WNK1: variants seen among roughly 807,000 people sequenced by gnomAD.
WNK1 encodes the protein serine/threonine-protein kinase WNK1.
Under a neutral mutation model 222.8 loss-of-function variants are expected in WNK1, and 38 were observed. The ratio of observed to expected loss-of-function variants is 0.17; its 90% CI spans 0.13 to 0.22. The LOEUF (loss-of-function observed/expected upper bound fraction) is 0.22. Among genes scored for constraint, WNK1 ranks in the 10% least tolerant of loss-of-function variants. The probability of loss-of-function intolerance (pLI) is 1.00; values close to 1 mark genes in which losing one functional copy is unlikely to be tolerated. For synonymous variants in WNK1, 1,090 were observed against 1,092.9 expected (o/e 1.00, Z 0.05); for missense variants, 2,348 against 2,918.4 (o/e 0.80, Z 4.50).
intron 4 of WNK1, among the ~76,000 whole-genome samples, chr12:844,678 AT>A (rs369200272): frequency 1.2e-3 from 180 of 152,142 alleles, no homozygotes; most frequent in African/African-American, 3.8e-3. Flanking sequence ...TACTGTCTAG[AT>A]TTTACCAATC....
chr12:880,079 T>C lies in WNK1; in HGVS notation c.2832+48T>C, dbSNP rs1461158380. On this transcript the variant is annotated intron_variant, in intron 11 of 27. Coordinates refer to ENST00000315939, the MANE Select transcript of WNK1 (RefSeq NM_018979.4). ...AGGGCACCACAGAGTTTGATCCTAG[T>C]AGATCATCAGGAACATGGAAATCTA... 9.0e-6 allele frequency: 14 copies of C among 1,555,424 alleles called. No individual in the cohort carries two copies. The African/African-American group carries it at 9.5e-5, about 11-fold the overall frequency.
chr12:800,419 G>A (rs1184718719), intron 1 of WNK1, among the ~76,000 whole-genome samples: 1 of 151,716 alleles, frequency 6.6e-6, no homozygotes, highest in Non-Finnish European at 1.5e-5. Flanking sequence ...TTTGCTATAT[G>A]GGTGTTAATA....
chr12:882,046 T>C lies in WNK1; in HGVS notation c.3345T>C (p.Thr1115=). 1 of 1,613,642 alleles carries C rather than the reference T, an allele frequency of 6.2e-7. No homozygotes were observed. Among genetic ancestry groups the C allele is most frequent in the East Asian group, 2.2e-5 (1 of 44,876 alleles). ...SVRSRSRHEK[T]SRPKLRILNV... ...GGAGTCGCTCTCGACATGAAAAAAC[T>C]TCACGCCCAAAATTAAGAATTTTGA... is the stretch of plus-strand genomic sequence containing the variant. The change falls in exon 14 of 28, where the codon ACT becomes ACC. Residue 1115 remains threonine, a synonymous_variant. Coordinates refer to ENST00000315939, the MANE Select transcript of WNK1 (RefSeq NM_018979.4).
At chr12:764,618 G>A (rs546584531) in intron 1 of WNK1, among the ~76,000 whole-genome samples, 49 of 102,348 alleles carry the variant, frequency 4.8e-4, no homozygotes, top group African/African-American at 1.6e-3. Context: ...CCTGGGCAAC[G>A]AGCGAAACTC....
At chr12:875,533 A>G (rs1168607942) in intron 9 of WNK1, among the ~76,000 whole-genome samples, 4 of 152,220 alleles carry the variant, frequency 2.6e-5, no homozygotes, top group African/African-American at 9.7e-5. Flanking sequence ...TGACTTCACT[A>G]TTCTGAGGAC....
chr12:813,929 T>C lies in WNK1; in HGVS notation c.932+115T>C. The stretch of plus-strand genomic sequence containing the variant: ...TTCAGCCTAAGAAGGGAACAGTCCT[T>C]CCAACTGTTACTGTATTAGCATATT... On this transcript the variant is annotated intron_variant, in intron 2 of 27. Transcript: ENST00000315939. 2.8e-6 allele frequency: 3 copies of C among 1,070,406 alleles called. No individual in the cohort carries two copies. The Admixed American group carries it at 6.0e-5, about 21-fold the overall frequency. 66.3% of individuals were successfully genotyped at this position (1,070,406 alleles called of 1,614,324 possible).
chr12:896,835 C>T, intron 24 of WNK1, 103 bp downstream of exon 24: 2 of 1,321,328 alleles, frequency 1.5e-6, no homozygotes, highest in Non-Finnish European at 1.0e-6. Flanking sequence ...GCTAATGTCT[C>T]ATTTCTTTTA....
At chr12:853,307 C>A (rs1364046214) in intron 4 of WNK1, among the ~76,000 whole-genome samples, 1 of 152,056 alleles carries the variant, frequency 6.6e-6, no homozygotes, top group Non-Finnish European at 1.5e-5. Flanking sequence ...AGTGAGTATT[C>A]CTATTTGTAA....
chr12:895,725 G>T (rs1954682084), intron 23 of WNK1, among the ~76,000 whole-genome samples: 1 of 152,136 alleles, frequency 6.6e-6, no homozygotes, highest in Non-Finnish European at 1.5e-5. Context: ...TCCCAAAATG[G>T]TGGGCTTACA....
chr12:797,989 T>C (rs1446965426), intron 1 of WNK1, among the ~76,000 whole-genome samples: 1 of 151,832 alleles, frequency 6.6e-6, no homozygotes, highest in Non-Finnish European at 1.5e-5. Context: ...CTCTATTCTA[T>C]GTATTTTACA....
chr12:799,402 A>C lies in WNK1; in HGVS notation c.760-14240A>C, dbSNP rs541075239. The stretch of plus-strand genomic sequence containing the variant: ...TGCCTTGGCCTCCCAAAGTGCTGGG[A>C]TTACAGGCATGAGCCACCGCACCCG... On this transcript the variant is annotated intron_variant, in intron 1 of 27. Coordinates refer to ENST00000315939, the MANE Select transcript of WNK1 (RefSeq NM_018979.4). Among the ~76,000 whole-genome samples the C allele has an allele frequency of 3.3e-5, 5 of 151,516 alleles. No homozygotes were observed. The East Asian group carries it at 9.7e-4, about 29-fold the overall frequency.
chr12:759,452 C>T (rs891060375), intron 1 of WNK1, among the ~76,000 whole-genome samples: 4 of 146,754 alleles, frequency 2.7e-5, no homozygotes, highest in Non-Finnish European at 6.1e-5. Context: ...TGCCTCAGCC[C>T]CCTGAGTAGC....
rs183965580 is a variant in WNK1 at position 869,263 on chromosome 12, A to G, written c.2140-2002A>G. On this transcript the variant is annotated intron_variant, in intron 8 of 27. Coordinates refer to ENST00000315939, the MANE Select transcript of WNK1 (RefSeq NM_018979.4). The stretch of plus-strand genomic sequence containing the variant: ...ATCTTTGGGGGGTTGTGAACTACAT[A>G]TATGCATTTAAAAACAAAATGTGAG... The G allele has an allele frequency of 6.9e-6, 7 of 1,009,720 alleles. No individual in the cohort carries two copies. In the East Asian group the frequency reaches 1.2e-4, roughly 17 times the overall value. 62.5% of individuals were successfully genotyped at this position (1,009,720 alleles called of 1,614,324 possible). A position where few individuals can be genotyped will look rare whatever the true frequency, so the allele number is the denominator to read the frequency against.
chr12:794,702 G>A (rs981410118), intron 1 of WNK1, among the ~76,000 whole-genome samples: 13 of 152,010 alleles, frequency 8.6e-5, no homozygotes, highest in Admixed American at 3.3e-4. Context: ...TTTGTATTTT[G>A]GTGAGGATTT....
chr12:849,709 C>T (rs1950276901), intron 4 of WNK1, among the ~76,000 whole-genome samples: 1 of 151,828 alleles, frequency 6.6e-6, no homozygotes, highest in South Asian at 2.1e-4. Flanking sequence ...TAATGCTATC[C>T]CTCCCCCCTA....
At chr12:894,688 A>G (rs376903716) in intron 23 of WNK1, 53 bp downstream of exon 23, 73 of 1,526,750 alleles carry the variant, frequency 4.8e-5, no homozygotes, top group African/African-American at 4.0e-4. Flanking sequence ...GGAGTTGTCT[A>G]TATAATAAAA....
rs368419754 is a variant in WNK1, at chr12:757,333, T to TA, written c.759+3020dup. Among the ~76,000 whole-genome samples, 489 of 71,462 alleles carry TA rather than the reference T, an allele frequency of 6.8e-3. 6 individuals carry two copies. Among genetic ancestry groups the TA allele is most frequent in the African/African-American group, 0.022 (354 of 16,246 alleles). The allele number at this position is 71,462 out of a possible 152,430, so 46.9% of individuals were successfully genotyped here. On this transcript the variant is annotated intron_variant, in intron 1 of 27. Coordinates refer to ENST00000315939, the MANE Select transcript of WNK1 (RefSeq NM_018979.4). The stretch of plus-strand genomic sequence containing the variant: ...TCTTTTTTTTTTTTTTTTTTTTTTT[T>TA]AAAAAAAAAAAGAGACGGAGTCTTG...
At chr12:826,883 C>T (rs1948401208) in intron 2 of WNK1, among the ~76,000 whole-genome samples, 159 bp from the exon 3 acceptor site, 1 of 152,138 alleles carries the variant, frequency 6.6e-6, no homozygotes, top group Non-Finnish European at 1.5e-5. Flanking sequence ...ACTATCATAG[C>T]CCTGCTTACT....
intron 1 of WNK1, among the ~76,000 whole-genome samples, chr12:757,140 G>A (rs1472691449): frequency 6.6e-6 from 1 of 151,954 alleles, no homozygotes; most frequent in African/African-American, 2.4e-5. Context: ...TATACCCATG[G>A]CAAATTTCAG....
Sources: allele counts gnomAD v4.1 joint callset (sites outside exome capture counted in the v4.1 genomes callset), GRCh38; gene constraint gnomAD v4.1.1; transcripts MANE v1.5; gene names NCBI Gene and HGNC (gene_info 2026-07-23, HGNC 2026-07-21).